CHST9: variants seen among roughly 807,000 people sequenced by gnomAD.
CHST9 encodes carbohydrate sulfotransferase 9.
CHST9 carries 41 observed loss-of-function variants against 44.4 expected under a neutral mutation model. The observed-to-expected ratio is 0.92, with a 90% CI of 0.72 to 1.20. The LOEUF is 1.20. CHST9 is among the 50% of genes most tolerant of loss of function. The pLI is 0.00. For missense variants in CHST9, 504 were observed against 516.5 expected (o/e 0.98, Z 0.23); for synonymous variants, 171 against 178.4 (o/e 0.96, Z 0.33).
At chr18:27,131,732 C>G (rs765259094) in intron 2 of CHST9, among the ~76,000 whole-genome samples, 16 of 152,052 alleles carry the variant, frequency 1.1e-4, no homozygotes, top group Non-Finnish European at 1.8e-4. Context: ...CAATAGGTAA[C>G]AAATTATAAA....
Position 27,020,520 on chromosome 18 carries a change from T to C in CHST9, c.202+3596A>G, listed in dbSNP as rs1450657285. Among the ~76,000 whole-genome samples the C allele has an allele frequency of 3.9e-5, 6 of 152,332 alleles. No individual in the cohort carries two copies. In the South Asian group the frequency reaches 6.2e-4, roughly 16 times the overall value. On this transcript the variant is annotated intron_variant, in intron 4 of 5. Coordinates refer to ENST00000618847, the MANE Select transcript of CHST9 (RefSeq NM_031422.6). The stretch of plus-strand genomic sequence containing the variant: ...CACAGGTGCCTGGAATTTTGTCCAA[T>C]TGGATAGGTTTTTCCAGATGTTTCA...
chr18:27,000,476 A>G (rs933570120), intron 4 of CHST9, among the ~76,000 whole-genome samples: 1 of 152,194 alleles, frequency 6.6e-6, no homozygotes, highest in Non-Finnish European at 1.5e-5. Context: ...TAATATATCT[A>G]TTCTTTCAAA....
intron 4 of CHST9, among the ~76,000 whole-genome samples, chr18:26,960,468 T>C (rs2056385231): frequency 1.3e-5 from 2 of 152,142 alleles, no homozygotes; most frequent in Non-Finnish European, 2.9e-5. Context: ...GGTTGTGGAG[T>C]TAAAAGACAA....
At chr18:27,117,455 G>A (rs1423809860) in intron 2 of CHST9, among the ~76,000 whole-genome samples, 1 of 151,920 alleles carries the variant, frequency 6.6e-6, no homozygotes, top group Non-Finnish European at 1.5e-5. Context: ...CATTCTATAG[G>A]GTTAATAAAT....
chr18:27,167,445 C>A (rs543728966), intron 1 of CHST9, among the ~76,000 whole-genome samples: 39 of 152,302 alleles, frequency 2.6e-4, no homozygotes, highest in African/African-American at 8.7e-4. Flanking sequence ...GAACTTTCTT[C>A]TTTTCTGATT....
intron 2 of CHST9, among the ~76,000 whole-genome samples, chr18:27,130,535 G>C (rs968242488): frequency 6.6e-6 from 1 of 152,170 alleles, no homozygotes; most frequent in African/African-American, 2.4e-5. Flanking sequence ...GTGAGCCGAG[G>C]AATAGATACG....
chr18:27,159,098 A>G (rs1389906233), intron 1 of CHST9, among the ~76,000 whole-genome samples: 4 of 152,146 alleles, frequency 2.6e-5, no homozygotes, highest in Non-Finnish European at 5.9e-5. Flanking sequence ...TGCTGTGCAG[A>G]AGCTCTTTAG....
At chr18:27,092,656 C>T (rs912932251) in intron 2 of CHST9, among the ~76,000 whole-genome samples, 7 of 152,132 alleles carry the variant, frequency 4.6e-5, no homozygotes, top group African/African-American at 1.7e-4. Flanking sequence ...TCTTTGTTCT[C>T]ATTTGTTTCA....
intron 4 of CHST9, among the ~76,000 whole-genome samples, chr18:26,975,439 C>T (rs780198682): frequency 6.6e-6 from 1 of 151,904 alleles, no homozygotes; most frequent in South Asian, 2.1e-4. Flanking sequence ...CTGCCCCCAC[C>T]ACTCCGAGTC....
chr18:27,020,906 T>C (rs1461625395), intron 4 of CHST9, among the ~76,000 whole-genome samples: 3 of 152,180 alleles, frequency 2.0e-5, no homozygotes, highest in Non-Finnish European at 4.4e-5. Flanking sequence ...GATGGTGAGA[T>C]AACTCACTTC....
intron 4 of CHST9, among the ~76,000 whole-genome samples, chr18:26,988,401 T>C (rs1456198213): frequency 3.9e-5 from 6 of 152,178 alleles, no homozygotes; most frequent in African/African-American, 9.6e-5. Flanking sequence ...AGTTTCTATA[T>C]TGAGCCAGGC....
intron 4 of CHST9, among the ~76,000 whole-genome samples, chr18:27,016,769 G>C (rs541154342): frequency 6.6e-6 from 1 of 152,166 alleles, no homozygotes; most frequent in East Asian, 1.9e-4. Flanking sequence ...TTGTGTGTAT[G>C]TATACATCTA....
chr18:26,991,127 T>C lies in CHST9; in HGVS notation c.202+32989A>G, dbSNP rs548656134. Among the ~76,000 whole-genome samples the C allele has an allele frequency of 1.2e-4, 19 of 152,204 alleles. No homozygotes were observed. In the South Asian group the frequency reaches 3.3e-3, roughly 27 times the overall value. Reference sequence around the variant, plus strand: ...TGTTGAGATTAGACGGTGGTGAGTATAGGATAAGAGGGAAAGAAAGCAGGG... The same window carrying C: ...TGTTGAGATTAGACGGTGGTGAGTACAGGATAAGAGGGAAAGAAAGCAGGG... On this transcript the variant is annotated intron_variant, in intron 4 of 5. Transcript: ENST00000618847.
chr18:27,158,481 C>T (rs2058716527), intron 1 of CHST9, among the ~76,000 whole-genome samples: 1 of 150,194 alleles, frequency 6.7e-6, no homozygotes, highest in African/African-American at 2.4e-5. Context: ...ATATGTACCA[C>T]AATTTCTTAA....
At chr18:27,063,699 T>G (rs2057750863) in intron 2 of CHST9, among the ~76,000 whole-genome samples, 1 of 152,252 alleles carries the variant, frequency 6.6e-6, no homozygotes, top group Non-Finnish European at 1.5e-5. Flanking sequence ...CTGAACTGGC[T>G]GCTTACATAG....
intron 4 of CHST9, among the ~76,000 whole-genome samples, chr18:26,993,719 G>T (rs958513264): frequency 2.0e-5 from 3 of 152,174 alleles, no homozygotes; most frequent in Non-Finnish European, 4.4e-5. Context: ...GAAAGTAAAA[G>T]CAAAACAGAA....
chr18:26,961,672 C>T, intron 4 of CHST9, among the ~76,000 whole-genome samples: 1 of 152,208 alleles, frequency 6.6e-6, no homozygotes, highest in East Asian at 1.9e-4. Context: ...AATCGATCCT[C>T]TTGCCTTGGC....
intron 4 of CHST9, among the ~76,000 whole-genome samples, chr18:26,991,126 A>G (rs1568123673): frequency 6.6e-6 from 1 of 152,198 alleles, no homozygotes; most frequent in Non-Finnish European, 1.5e-5. Context: ...GGTGGTGAGT[A>G]TAGGATAAGA....
intron 1 of CHST9, among the ~76,000 whole-genome samples, chr18:27,169,702 G>T (rs2058819528): frequency 6.8e-6 from 1 of 147,162 alleles, no homozygotes; most frequent in Non-Finnish European, 1.5e-5. Context: ...CGCCTCCCAG[G>T]TTCACACCAT....
Sources: allele counts gnomAD v4.1 joint callset (sites outside exome capture counted in the v4.1 genomes callset), GRCh38; gene constraint gnomAD v4.1.1; transcripts MANE v1.5; gene names NCBI Gene and HGNC (gene_info 2026-07-23, HGNC 2026-07-21).